UGT2B7: variants seen among roughly 807,000 people sequenced by gnomAD.
UGT2B7 encodes the protein UDP glucuronosyltransferase family 2 member B7.
A neutral mutation model predicts 51.9 loss-of-function variants in UGT2B7; 51 were observed. The observed-to-expected ratio is 0.98, with a 90% CI of 0.78 to 1.24. UGT2B7 has a LOEUF of 1.24. UGT2B7 is among the 50% of genes most tolerant of loss of function. UGT2B7 has a pLI of 0.00. For synonymous variants in UGT2B7, 225 were observed against 211.6 expected, an observed-to-expected ratio of 1.06 and a Z score of -0.55; for missense variants, 727 against 628.4, an observed-to-expected ratio of 1.16 and a Z score of -1.68.
intron 2 of UGT2B7, among the ~76,000 whole-genome samples, chr4:69,099,314 C>G (rs1303947510): frequency 6.7e-6 from 1 of 149,934 alleles, no homozygotes; most frequent in Non-Finnish European, 1.5e-5. Flanking sequence ...TTCTCAAGTC[C>G]TCAAGTTTAG....
At chr4:69,098,803 G>A (rs7441750) in intron 2 of UGT2B7, 115 bp downstream of exon 2, 764,592 of 1,532,098 alleles carry the variant, frequency 0.5, 196,687 homozygotes, top group African/African-American at 0.71. Flanking sequence ...GGAAATGGGT[G>A]GGGTAAAGCA....
intron 1 of UGT2B7, among the ~76,000 whole-genome samples, chr4:69,060,543 G>A (rs1314638265): frequency 6.6e-6 from 1 of 152,180 alleles, no homozygotes; most frequent in African/African-American, 2.4e-5. Context: ...ATCTAACTAA[G>A]CCTTTCTTTT....
intron 2 of UGT2B7, among the ~76,000 whole-genome samples, chr4:69,102,088 T>C (rs952851979): frequency 6.6e-6 from 1 of 152,206 alleles, no homozygotes; most frequent in Non-Finnish European, 1.5e-5. Context: ...CTATATACAA[T>C]TCTGTATGAT....
At chr4:69,068,688 C>T (rs1718534707) in intron 1 of UGT2B7, among the ~76,000 whole-genome samples, 1 of 151,770 alleles carries the variant, frequency 6.6e-6, no homozygotes, top group African/African-American at 2.4e-5. Flanking sequence ...AATTAGTGCC[C>T]TCTTCTGAAA....
intron 1 of UGT2B7, among the ~76,000 whole-genome samples, chr4:69,064,094 A>AAGAAAGAGAGAGAG (rs1560499755): frequency 3.2e-4 from 27 of 84,448 alleles, no homozygotes; most frequent in Non-Finnish European, 4.7e-4. Flanking sequence ...GAAAGAAAGA[A>AAGAAAGAGAGAGAG]AGAGAAAGAA....
At chr4:69,073,087 C>G (rs868600336) in intron 1 of UGT2B7, among the ~76,000 whole-genome samples, 16 of 152,084 alleles carry the variant, frequency 1.1e-4, no homozygotes, top group African/African-American at 3.9e-4. Flanking sequence ...AATTGACATA[C>G]TAGCGGGTTG....
chr4:69,112,001 T>C (rs1439958202), intron 5 of UGT2B7, among the ~76,000 whole-genome samples: 2 of 152,184 alleles, frequency 1.3e-5, no homozygotes, highest in African/African-American at 2.4e-5. Flanking sequence ...TCATATCGTC[T>C]TATGCCCAAT....
At chr4:69,094,171 G>T, upstream of UGT2B7, among the ~76,000 whole-genome samples, 1 of 25,078 alleles carries the variant, frequency 4.0e-5, no homozygotes, top group South Asian at 1.7e-3. Context: ...ACGGAGTCTC[G>T]CTCTGTCGCC....
Position 69,102,874 on chromosome 4 carries a change from T to A in UGT2B7, c.938T>A (p.Val313Asp). 1.9e-6 allele frequency: 3 copies of A among 1,613,638 alleles called. No homozygotes were observed. Among genetic ancestry groups the A allele is most frequent in the Non-Finnish European group, 1.7e-6 (2 of 1,179,726 alleles). Residue 313 changes from valine to aspartate, a missense_variant, in exon 3 of 6, where the codon GTC (valine) becomes GAC (aspartate). By Grantham distance (152) the Val-to-Asp change is radical. Transcript: ENST00000305231. ...GVVVFSLGSMVSNMTEERANV... is the reference protein window; with the variant it reads ...GVVVFSLGSMDSNMTEERANV... ...GTGGTGTTTTCTCTGGGGTCAATGGTCAGTAACATGACAGAAGAAAGGGCC... is the reference window on the plus strand; with the variant it reads ...GTGGTGTTTTCTCTGGGGTCAATGGACAGTAACATGACAGAAGAAAGGGCC...
intron 1 of UGT2B7, among the ~76,000 whole-genome samples, chr4:69,088,597 A>G (rs1480054551): frequency 6.6e-6 from 1 of 152,150 alleles, no homozygotes; most frequent in African/African-American, 2.4e-5. Context: ...TTATAAAAAT[A>G]CCTGCCAAAG....
chr4:69,097,015 C>G lies in UGT2B7; in HGVS notation c.495C>G (p.Asn165Lys). The G allele has an allele frequency of 1.9e-6, 3 of 1,613,834 alleles. No homozygotes were observed. Among genetic ancestry groups the G allele is most frequent in the Non-Finnish European group, 2.5e-6 (3 of 1,179,830 alleles). The change falls in exon 1 of 6, where the codon AAC becomes AAG. Residue 165 changes from asparagine (N) to lysine (K), a missense_variant. Coordinates refer to ENST00000305231, the MANE Select transcript of UGT2B7 (RefSeq NM_001074.4). ...PCSELLAELF[N>K]IPFVYSLSFS... is the part of the protein sequence containing the mutation. The stretch of plus-strand genomic sequence containing the variant: ...GTGAGCTGCTGGCTGAGCTATTTAA[C>G]ATACCCTTTGTGTACAGTCTCAGCT...
intron 1 of UGT2B7, among the ~76,000 whole-genome samples, chr4:69,070,260 T>C (rs1270559631): frequency 6.8e-6 from 1 of 147,548 alleles, no homozygotes; most frequent in East Asian, 1.9e-4. Context: ...ATATATTTTA[T>C]ATATTATACT....
upstream of UGT2B7, among the ~76,000 whole-genome samples, chr4:69,093,101 C>T (rs1466748387): frequency 6.6e-6 from 1 of 152,124 alleles, no homozygotes; most frequent in Non-Finnish European, 1.5e-5. Context: ...TCTCTGTGAG[C>T]TCTGTCCCAG....
intron 4 of UGT2B7, among the ~76,000 whole-genome samples, chr4:69,107,774 T>A (rs2109893424): frequency 6.6e-6 from 1 of 152,164 alleles, no homozygotes; most frequent in African/African-American, 2.4e-5. Context: ...ACCCCATATA[T>A]CACACTCTGT....
At chr4:69,064,418 G>A (rs1033187991) in intron 1 of UGT2B7, among the ~76,000 whole-genome samples, 1 of 152,244 alleles carries the variant, frequency 6.6e-6, no homozygotes, top group Non-Finnish European at 1.5e-5. Context: ...GTACTGCGAA[G>A]GTCATGAGAC....
chr4:69,097,343 A>G, intron 1 of UGT2B7, 102 bp downstream of exon 1: 3 of 1,375,964 alleles, frequency 2.2e-6, no homozygotes, highest in Middle Eastern at 1.9e-4. Flanking sequence ...GGGTTTTGGT[A>G]AGTGAATTTA....
intron 1 of UGT2B7, among the ~76,000 whole-genome samples, chr4:69,061,312 C>T (rs182000772): frequency 1.3e-3 from 195 of 152,290 alleles, no homozygotes; most frequent in African/African-American, 4.1e-3. Context: ...AGAAATTCTA[C>T]GGCTCCTGGA....
intron 2 of UGT2B7, among the ~76,000 whole-genome samples, chr4:69,101,549 C>T (rs979716774): frequency 2.6e-5 from 4 of 152,018 alleles, no homozygotes; most frequent in African/African-American, 9.7e-5. Context: ...TTAAATATGG[C>T]TACAGGCAAC....
At chr4:69,053,584 T>C (rs1459793237) in intron 1 of UGT2B7, among the ~76,000 whole-genome samples, 1 of 152,140 alleles carries the variant, frequency 6.6e-6, no homozygotes, top group Non-Finnish European at 1.5e-5. Flanking sequence ...CCTGGAGTAA[T>C]AAGTCATGCC....
Sources: allele counts gnomAD v4.1 joint callset (sites outside exome capture counted in the v4.1 genomes callset), GRCh38; gene constraint gnomAD v4.1.1; transcripts MANE v1.5; gene names NCBI Gene and HGNC (gene_info 2026-07-23, HGNC 2026-07-21).